The following ROBO1 variants were observed in gnomAD, a reference collection of about 807,000 sequenced individuals.
ROBO1 encodes the protein roundabout guidance receptor 1.
A neutral mutation model predicts 195.9 loss-of-function variants in ROBO1; 149 were observed. The observed-to-expected ratio is 0.76, with a 90% CI of 0.67 to 0.87. ROBO1 has a LOEUF of 0.87. Ranked by LOEUF, ROBO1 falls within the 40% of genes least tolerant of loss-of-function variation. ROBO1 has a pLI of 0.00. For synonymous variants in ROBO1, 816 were observed against 733.2 expected, an observed-to-expected ratio of 1.11 and a Z score of -1.82; for missense variants, 1,933 against 2,068.3, an observed-to-expected ratio of 0.93 and a Z score of 1.27.
At chr3:79,080,648 G>A (rs2108460812) in intron 3 of ROBO1, among the ~76,000 whole-genome samples, 2 of 152,114 alleles carry the variant, frequency 1.3e-5, no homozygotes, top group South Asian at 4.1e-4. Flanking sequence ...ATTAAAACAT[G>A]TTTGATCCTT....
At chr3:78,810,434 C>A (rs1166532387) in intron 4 of ROBO1, among the ~76,000 whole-genome samples, 2 of 151,920 alleles carry the variant, frequency 1.3e-5, no homozygotes, top group Non-Finnish European at 2.9e-5. Context: ...AAAAAAAATT[C>A]TCTTAGAAAC....
intron 4 of ROBO1, among the ~76,000 whole-genome samples, chr3:78,922,303 T>G (rs2038979401): frequency 6.6e-6 from 1 of 151,932 alleles, no homozygotes; most frequent in Admixed American, 6.6e-5. Flanking sequence ...ACGTGCCTTC[T>G]GGAAACAGGC....
intron 2 of ROBO1, among the ~76,000 whole-genome samples, chr3:79,167,941 A>G (rs77703871): frequency 0.089 from 13,496 of 152,266 alleles, 1,025 homozygotes; most frequent in African/African-American, 0.21. Context: ...CATGGGAAGA[A>G]TTTAGAATGG....
chr3:79,002,885 A>G (rs2108145947), intron 3 of ROBO1, among the ~76,000 whole-genome samples: 1 of 152,186 alleles, frequency 6.6e-6, no homozygotes, highest in South Asian at 2.1e-4. Context: ...GTATTGCTCC[A>G]GGACTCAAAA....
chr3:78,792,488 G>A (rs1258371883), intron 4 of ROBO1, among the ~76,000 whole-genome samples: 1 of 152,118 alleles, frequency 6.6e-6, no homozygotes, highest in African/African-American at 2.4e-5. Flanking sequence ...GTTGAGTGCT[G>A]CAAGAATTGG....
chr3:79,322,736 C>A (rs1026416818), intron 2 of ROBO1, among the ~76,000 whole-genome samples: 1 of 152,110 alleles, frequency 6.6e-6, no homozygotes, highest in African/African-American at 2.4e-5. Flanking sequence ...CTATTCACAT[C>A]CTTTCAGACG....
intron 2 of ROBO1, among the ~76,000 whole-genome samples, chr3:79,488,890 T>C (rs958202763): frequency 2.6e-5 from 4 of 152,198 alleles, no homozygotes; most frequent in Non-Finnish European, 5.9e-5. Flanking sequence ...ACTTCTGCCC[T>C]TGGATGCTTT....
chr3:79,759,327 G>C (rs1241417918), intron 1 of ROBO1, among the ~76,000 whole-genome samples: 1 of 152,096 alleles, frequency 6.6e-6, no homozygotes, highest in Non-Finnish European at 1.5e-5. Flanking sequence ...GCTTATTCAA[G>C]GGTTACACAT....
intron 27 of ROBO1, among the ~76,000 whole-genome samples, chr3:78,615,734 G>A: frequency 6.6e-6 from 1 of 152,050 alleles, no homozygotes; most frequent in Non-Finnish European, 1.5e-5. Flanking sequence ...ATGTCTTTTG[G>A]CTATAAACAG....
intron 3 of ROBO1, among the ~76,000 whole-genome samples, chr3:79,122,933 T>C (rs961005229): frequency 6.6e-6 from 1 of 151,904 alleles, no homozygotes; most frequent in Non-Finnish European, 1.5e-5. Flanking sequence ...TGAAGCAACA[T>C]GTAGTAAAAA....
intron 5 of ROBO1, among the ~76,000 whole-genome samples, chr3:78,739,638 T>C (rs565977998): frequency 3.6e-4 from 55 of 152,306 alleles, no homozygotes; most frequent in Non-Finnish European, 5.7e-4. Flanking sequence ...GTCTGAGCTA[T>C]AATATTTGGC....
chr3:79,491,180 TG>T, intron 2 of ROBO1, among the ~76,000 whole-genome samples: 1 of 149,328 alleles, frequency 6.7e-6, no homozygotes, highest in African/African-American at 2.5e-5. Flanking sequence ...TGCCATTGCT[TG>T]GGGGGAAAAA....
chr3:79,193,388 A>T lies in ROBO1; in HGVS notation c.89-67849T>A, dbSNP rs540073515. ...TTAATGGTCAAAATGACCTCATGAAATAGTCATTATTATTCTCATGTTAAA... is the reference window on the plus strand; with the variant it reads ...TTAATGGTCAAAATGACCTCATGAATTAGTCATTATTATTCTCATGTTAAA... On this transcript the variant is annotated intron_variant, in intron 2 of 30. Transcript: ENST00000464233. Among the ~76,000 whole-genome samples the T allele has an allele frequency of 2.0e-5, 3 of 151,730 alleles. No homozygotes were observed. The South Asian group carries it at 6.2e-4, about 31-fold the overall frequency.
rs368080039 is a variant in ROBO1 at position 79,479,463 on chromosome 3, G to A, written c.88+110361C>T. Among the ~76,000 whole-genome samples the A allele has an allele frequency of 5.3e-5, 8 of 152,226 alleles. No individual in the cohort carries two copies. The East Asian group carries it at 7.7e-4, about 15-fold the overall frequency. Reference sequence around the variant, plus strand: ...CCACTCACTGCTCACCTCCTGCTACGTGGCCACGTTCCTAACAGGCCACGG... The same window carrying A: ...CCACTCACTGCTCACCTCCTGCTACATGGCCACGTTCCTAACAGGCCACGG... On this transcript the variant is annotated intron_variant, in intron 2 of 30. Transcript: ENST00000464233.
chr3:79,673,687 AG>A (rs1946698012), intron 1 of ROBO1, among the ~76,000 whole-genome samples: 1 of 151,956 alleles, frequency 6.6e-6, no homozygotes, highest in Non-Finnish European at 1.5e-5. Flanking sequence ...AATAACTTTA[AG>A]ATTCGTCTGA....
At chr3:79,543,220 A>G (rs1340899799) in intron 2 of ROBO1, among the ~76,000 whole-genome samples, 2 of 152,054 alleles carry the variant, frequency 1.3e-5, no homozygotes, top group African/African-American at 4.8e-5. Context: ...TGGAAGGGAA[A>G]AATAGACAAA....
Position 78,627,494 on chromosome 3 carries a change from TTCC to T in ROBO1, c.3699_3701del (p.Glu1234del). The T allele has an allele frequency of 6.2e-7, 1 of 1,613,322 alleles. No homozygotes were observed. The highest frequency in any genetic ancestry group is 8.5e-7 in the Non-Finnish European group (1 of 1,179,660). ...CAGGGGGAGTGGGGCCTCGTTCATCTTCCTCCTCTTCTAATTCATCTTGTTGCA... is the reference window on the plus strand; with the variant it reads ...CAGGGGGAGTGGGGCCTCGTTCATCTTCCTCTTCTAATTCATCTTGTTGCA... On this transcript the variant is annotated inframe_deletion, in exon 26 of 31. Coordinates refer to ENST00000464233, the MANE Select transcript of ROBO1 (RefSeq NM_002941.4).
intron 2 of ROBO1, among the ~76,000 whole-genome samples, chr3:79,299,899 T>G (rs1339794018): frequency 1.3e-5 from 2 of 151,612 alleles, no homozygotes; most frequent in Non-Finnish European, 2.9e-5. Context: ...TTAAAGATAT[T>G]CAAACTTTCA....
Position 78,829,603 on chromosome 3 carries a change from G to A in ROBO1, c.500-82703C>T, listed in dbSNP as rs573782604. On this transcript the variant is annotated intron_variant, in intron 4 of 30. Transcript: ENST00000464233. ...AACATGAGGGGAGATCTGTGATAGC[G>A]TGAATATGGCTATGTCGACAGGAAC... Among the ~76,000 whole-genome samples the A allele has an allele frequency of 5.3e-5, 8 of 152,200 alleles. No homozygotes were observed. The South Asian group carries it at 6.2e-4, about 12-fold the overall frequency.
Sources: gnomAD v4.1 joint callset for allele counts (sites outside exome capture counted in the v4.1 genomes callset) on GRCh38, gnomAD v4.1.1 for gene constraint, MANE v1.5 for transcripts, NCBI Gene and HGNC (gene_info 2026-07-23, HGNC 2026-07-21) for gene names.